Variants in COL5A2 observed in about 807,000 individuals in gnomAD.
COL5A2 encodes the protein collagen type V alpha 2 chain, also known as collagen alpha-2(V) chain.
A neutral mutation model predicts 208.2 loss-of-function variants in COL5A2; 23 were observed. That is an observed-to-expected ratio of 0.11 (90% CI 0.08 to 0.16). The LOEUF is 0.16. COL5A2 is among the 10% of genes least tolerant of loss of function. COL5A2 has a pLI of 1.00. For missense variants in COL5A2, 1,590 were observed against 1,956.4 expected (o/e 0.81, Z 3.53); for synonymous variants, 625 against 628.5 (o/e 0.99, Z 0.08).
At chr2:189,042,067 G>A (rs112523968) in intron 49 of COL5A2, among the ~76,000 whole-genome samples, 1,896 of 152,240 alleles carry the variant, frequency 0.012, 47 homozygotes, top group African/African-American at 0.042. Flanking sequence ...GCCTCAGAAT[G>A]CCATCATGTA....
At chr2:189,045,715 G>A (rs1209193729) in intron 46 of COL5A2, 85 bp downstream of exon 46, 10 of 990,876 alleles carry the variant, frequency 1.0e-5, no homozygotes, top group South Asian at 9.1e-5. Context: ...GCACATGTAT[G>A]ACTATGTGTG....
intron 51 of COL5A2, among the ~76,000 whole-genome samples, chr2:189,038,083 C>T (rs1243649690): frequency 6.6e-6 from 1 of 152,006 alleles, no homozygotes; most frequent in Non-Finnish European, 1.5e-5. Flanking sequence ...AGATTTGTTA[C>T]ATGGGGATAT....
At position 189,066,340 on chromosome 2, in the gene COL5A2, C is replaced by T. The variant is rs753227380; in HGVS notation, c.1563+50G>A. ...TTTCCTTACTGTTCTCAGACTTACA[C>T]ACATAATTCCCTCACAACTGTAAGA... On this transcript the variant is annotated intron_variant, in intron 23 of 53. Coordinates refer to ENST00000374866, the MANE Select transcript of COL5A2 (RefSeq NM_000393.5). 302 of 1,498,604 alleles carry T rather than the reference C, an allele frequency of 2.0e-4. 1 individual carries two copies. The highest frequency in any genetic ancestry group is 3.5e-4 in the South Asian group (31 of 88,962). 92.8% of individuals were successfully genotyped at this position (1,498,604 alleles called of 1,614,324 possible). A position where few individuals can be genotyped will look rare whatever the true frequency, so the allele number is the denominator to read the frequency against.
the COL5A2 span, among the ~76,000 whole-genome samples, chr2:189,297,211 T>C: frequency 2.0e-5 from 3 of 151,558 alleles, no homozygotes; most frequent in African/African-American, 7.3e-5. Flanking sequence ...ATTAATTCAA[T>C]ACAAGCTACT....
At chr2:189,327,177 A>G in the COL5A2 span, among the ~76,000 whole-genome samples, 1 of 151,996 alleles carries the variant, frequency 6.6e-6, no homozygotes, top group Non-Finnish European at 1.5e-5. Flanking sequence ...CTTTTTTCAG[A>G]TTTTCTTCTA....
the COL5A2 span, among the ~76,000 whole-genome samples, chr2:189,385,539 C>G: frequency 6.6e-6 from 1 of 151,818 alleles, no homozygotes; most frequent in Non-Finnish European, 1.5e-5. Context: ...ATTAAAATTG[C>G]CATACTCCAC....
At chr2:189,390,684 C>T in the COL5A2 span, among the ~76,000 whole-genome samples, 1 of 152,134 alleles carries the variant, frequency 6.6e-6, no homozygotes, top group African/African-American at 2.4e-5. Context: ...GTGGTATGGA[C>T]CATGCTCACC....
the COL5A2 span, among the ~76,000 whole-genome samples, chr2:189,253,429 G>T: frequency 1.3e-5 from 2 of 152,194 alleles, no homozygotes; most frequent in Non-Finnish European, 2.9e-5. Context: ...ACTCCATACC[G>T]AGTTCTTGGC....
the COL5A2 span, among the ~76,000 whole-genome samples, chr2:189,424,281 C>A: frequency 6.6e-6 from 1 of 152,068 alleles, no homozygotes; most frequent in South Asian, 2.1e-4. Flanking sequence ...ACAAGACAAA[C>A]ATGCTTATTT....
the COL5A2 span, among the ~76,000 whole-genome samples, chr2:189,306,157 C>T: frequency 2.0e-5 from 3 of 152,114 alleles, no homozygotes; most frequent in Non-Finnish European, 2.9e-5. Flanking sequence ...GTGCTATGTA[C>T]ATTTGTATGT....
At chr2:189,207,976 G>A (rs145548282) in intron 1 of COL5A2, among the ~76,000 whole-genome samples, 2 of 152,226 alleles carry the variant, frequency 1.3e-5, no homozygotes, top group South Asian at 2.1e-4. Context: ...ATAATTCTCT[G>A]TTTTGCCTTG....
the COL5A2 span, among the ~76,000 whole-genome samples, chr2:189,317,929 C>T: frequency 4.8e-3 from 731 of 152,228 alleles, no homozygotes; most frequent in Admixed American, 8.1e-3. Context: ...TAAATGTGAT[C>T]ATAATTTTAA....
At chr2:189,438,690 T>C in the COL5A2 span, among the ~76,000 whole-genome samples, 1 of 152,140 alleles carries the variant, frequency 6.6e-6, no homozygotes, top group Non-Finnish European at 1.5e-5. Context: ...GAAGGAGAAA[T>C]ACTGGGGAAT....
At chr2:189,342,145 T>C in the COL5A2 span, among the ~76,000 whole-genome samples, 4 of 149,936 alleles carry the variant, frequency 2.7e-5, no homozygotes, top group Admixed American at 1.3e-4. Flanking sequence ...TAAAGCTCTC[T>C]AGATCATTAT....
intron 1 of COL5A2, among the ~76,000 whole-genome samples, chr2:189,191,952 C>T (rs1037578287): frequency 3.3e-5 from 5 of 151,832 alleles, no homozygotes; most frequent in Non-Finnish European, 7.4e-5. Context: ...GAACCACACC[C>T]ATATCTTTGC....
upstream of COL5A2, among the ~76,000 whole-genome samples, chr2:189,183,008 T>C (rs1294226152): frequency 1.3e-5 from 2 of 152,116 alleles, no homozygotes; most frequent in African/African-American, 4.8e-5. Context: ...TAATAGTCAA[T>C]CTTGAAAATA....
chr2:189,345,081 T>G, the COL5A2 span, among the ~76,000 whole-genome samples: 1 of 152,188 alleles, frequency 6.6e-6, no homozygotes, highest in Admixed American at 6.6e-5. Context: ...GGTCAACAGG[T>G]AGCAGGAGGT....
the COL5A2 span, among the ~76,000 whole-genome samples, chr2:189,261,683 C>A: frequency 6.6e-6 from 1 of 152,206 alleles, no homozygotes. Flanking sequence ...GTAGCTCACA[C>A]TCACACAGAA....
chr2:189,194,142 T>C (rs902169918), intron 1 of COL5A2, among the ~76,000 whole-genome samples: 2 of 152,190 alleles, frequency 1.3e-5, no homozygotes, highest in African/African-American at 4.8e-5. Flanking sequence ...AAAAGTTATT[T>C]GGGGTCCTCA....
Sources: allele counts gnomAD v4.1 joint callset (sites outside exome capture counted in the v4.1 genomes callset), GRCh38; gene constraint gnomAD v4.1.1; transcripts MANE v1.5; gene names NCBI Gene and HGNC (gene_info 2026-07-23, HGNC 2026-07-21).